Variants in ITGBL1 observed in about 807,000 individuals in gnomAD.
The protein encoded by ITGBL1 is integrin beta-like protein 1.
ITGBL1 carries 51 observed loss-of-function variants against 68.5 expected under a neutral mutation model. The observed-to-expected ratio is 0.74, with a 90% CI of 0.59 to 0.94. The LOEUF (loss-of-function observed/expected upper bound fraction) is 0.94. Ranked by LOEUF, ITGBL1 falls within the 40% of genes least tolerant of loss-of-function variation. The probability of loss-of-function intolerance (pLI) is 0.00; values close to 1 mark genes in which losing one functional copy is unlikely to be tolerated. For synonymous variants in ITGBL1, 209 were observed against 227.3 expected (o/e 0.92, Z 0.72); for missense variants, 649 against 647.4 (o/e 1.00, Z -0.03).
At chr13:101,710,627 A>G (rs1162368002) in intron 9 of ITGBL1, among the ~76,000 whole-genome samples, 1 of 152,190 alleles carries the variant, frequency 6.6e-6, no homozygotes. Flanking sequence ...TTTGTCAATG[A>G]AAGTCCCTCA....
At chr13:101,498,276 ATGTATTTCCCTT>A (rs2048887884) in intron 2 of ITGBL1, among the ~76,000 whole-genome samples, 1 of 152,154 alleles carries the variant, frequency 6.6e-6, no homozygotes, top group South Asian at 2.1e-4. Flanking sequence ...CCTGATGAGA[ATGTATTTCCCTT>A]GCAGATGTGA....
intron 7 of ITGBL1, among the ~76,000 whole-genome samples, chr13:101,625,914 C>G (rs1292627025): frequency 6.6e-6 from 1 of 152,140 alleles, no homozygotes; most frequent in Non-Finnish European, 1.5e-5. Flanking sequence ...AAAGACTGCA[C>G]ATGTATTTTT....
At chr13:101,647,887 G>C (rs557740164) in intron 7 of ITGBL1, among the ~76,000 whole-genome samples, 1 of 152,276 alleles carries the variant, frequency 6.6e-6, no homozygotes, top group South Asian at 2.1e-4. Flanking sequence ...AGAAGAAAGT[G>C]ACTAACAAAT....
chr13:101,458,577 A>G (rs1594820715), intron 2 of ITGBL1, among the ~76,000 whole-genome samples: 1 of 152,192 alleles, frequency 6.6e-6, no homozygotes, highest in Non-Finnish European at 1.5e-5. Flanking sequence ...TCATTCCTTG[A>G]TATCTGCTGG....
At chr13:101,587,288 A>G (rs1205879311) in intron 6 of ITGBL1, among the ~76,000 whole-genome samples, 5 of 152,188 alleles carry the variant, frequency 3.3e-5, no homozygotes, top group Admixed American at 2.6e-4. Flanking sequence ...AAATAAATCA[A>G]TTTTATTTAC....
At chr13:101,717,711 A>T (rs945268042), downstream of ITGBL1, 3 of 152,208 alleles carry the variant, frequency 2.0e-5, no homozygotes, top group East Asian at 3.9e-4. Context: ...AAAAAAATTT[A>T]AAAAATTCCT....
chr13:101,642,360 T>C (rs567487903), intron 7 of ITGBL1, among the ~76,000 whole-genome samples: 1 of 152,352 alleles, frequency 6.6e-6, no homozygotes, highest in Non-Finnish European at 1.5e-5. Context: ...ATAAATGTCT[T>C]CTTTTGAGAA....
chr13:101,468,233 A>G (rs1263626566), intron 2 of ITGBL1, among the ~76,000 whole-genome samples: 1 of 152,186 alleles, frequency 6.6e-6, no homozygotes, highest in Non-Finnish European at 1.5e-5. Flanking sequence ...TTGACATGGA[A>G]ATAATTCACT....
chr13:101,699,017 T>C (rs1021569271), intron 8 of ITGBL1, among the ~76,000 whole-genome samples: 1 of 152,208 alleles, frequency 6.6e-6, no homozygotes, highest in Non-Finnish European at 1.5e-5. Flanking sequence ...CGCTGCAATT[T>C]GAAGGAGATC....
downstream of ITGBL1, chr13:101,720,198 C>T (rs1490509603): frequency 6.6e-6 from 1 of 152,072 alleles, no homozygotes; most frequent in Non-Finnish European, 1.5e-5. Flanking sequence ...CAGGTACCTA[C>T]TACATGCAGC....
intron 5 of ITGBL1, among the ~76,000 whole-genome samples, chr13:101,582,499 T>A (rs1188088491): frequency 6.6e-6 from 1 of 152,196 alleles, no homozygotes; most frequent in Non-Finnish European, 1.5e-5. Flanking sequence ...AAACATGATG[T>A]ACAGCTGGGC....
intron 7 of ITGBL1, among the ~76,000 whole-genome samples, chr13:101,608,572 T>C (rs2030983846): frequency 6.6e-6 from 1 of 152,018 alleles, no homozygotes; most frequent in Non-Finnish European, 1.5e-5. Flanking sequence ...TTAAAATCCT[T>C]TGTGGCTTAA....
At chr13:101,526,190 T>C (rs2049375974) in intron 2 of ITGBL1, among the ~76,000 whole-genome samples, 1 of 150,080 alleles carries the variant, frequency 6.7e-6, no homozygotes, top group Admixed American at 6.7e-5. Context: ...AGTTCTGGGA[T>C]ACATATGCAG....
At chr13:101,604,873 T>TAC (rs1469800995) in intron 7 of ITGBL1, among the ~76,000 whole-genome samples, 6 of 20,128 alleles carry the variant, frequency 3.0e-4, no homozygotes, top group Admixed American at 7.7e-4. Context: ...TATATATATA[T>TAC]ATATATATAT....
At chr13:101,639,471 T>A (rs1374860817) in intron 7 of ITGBL1, among the ~76,000 whole-genome samples, 1 of 152,146 alleles carries the variant, frequency 6.6e-6, no homozygotes, top group African/African-American at 2.4e-5. Context: ...ATTATTTAAA[T>A]TACAGCTCAC....
intron 2 of ITGBL1, among the ~76,000 whole-genome samples, chr13:101,507,856 T>A (rs2049050513): frequency 6.6e-6 from 1 of 152,198 alleles, no homozygotes; most frequent in South Asian, 2.1e-4. Context: ...CAAGTTGCAT[T>A]CATAAAACTT....
At chr13:101,683,831 TC>T (rs2033696634) in intron 7 of ITGBL1, among the ~76,000 whole-genome samples, 1 of 151,964 alleles carries the variant, frequency 6.6e-6, no homozygotes, top group African/African-American at 2.4e-5. Flanking sequence ...AGGAGGAGTA[TC>T]TTTTCATATA....
intron 2 of ITGBL1, chr13:101,490,041 ATGGACTGAATAT>A: frequency 8.5e-7 from 1 of 1,175,296 alleles, no homozygotes; most frequent in South Asian, 1.3e-5. Flanking sequence ...GCATTTTGTT[ATGGACTGAATAT>A]TTGTTTACCC....
At chr13:101,522,386 C>T (rs1410374961) in intron 2 of ITGBL1, among the ~76,000 whole-genome samples, 1 of 152,170 alleles carries the variant, frequency 6.6e-6, no homozygotes, top group African/African-American at 2.4e-5. Flanking sequence ...TATTCCCTCC[C>T]TCCATTGGGC....
Sources: allele counts gnomAD v4.1 joint callset (sites outside exome capture counted in the v4.1 genomes callset), GRCh38; gene constraint gnomAD v4.1.1; transcripts MANE v1.5; gene names NCBI Gene and HGNC (gene_info 2026-07-23, HGNC 2026-07-21).